Variants in NKAIN2 observed in about 807,000 individuals in gnomAD.
The protein encoded by NKAIN2 is sodium/potassium-transporting ATPase subunit beta-1-interacting protein 2.
Under a neutral mutation model 32.6 loss-of-function variants are expected in NKAIN2, and 14 were observed. The observed-to-expected ratio is 0.43, with a 90% CI of 0.28 to 0.67. NKAIN2 has a LOEUF of 0.67. Ranked by LOEUF, NKAIN2 falls within the 30% of genes least tolerant of loss-of-function variation. The probability of loss-of-function intolerance (pLI) is 0.17; values close to 1 mark genes in which losing one functional copy is unlikely to be tolerated. For synonymous variants in NKAIN2, 80 were observed against 87.2 expected, an observed-to-expected ratio of 0.92 and a Z score of 0.46; for missense variants, 198 against 258.3, an observed-to-expected ratio of 0.77 and a Z score of 1.60.
chr6:124,455,456 A>G (rs1215381104), intron 3 of NKAIN2, among the ~76,000 whole-genome samples: 4 of 152,042 alleles, frequency 2.6e-5, no homozygotes, highest in Non-Finnish European at 5.9e-5. Flanking sequence ...GAGAAAATGA[A>G]TAAGTGGAAA....
rs185291731 is a variant in NKAIN2 at position 124,271,511 on chromosome 6, C to T, written c.55-11494C>T. On this transcript the variant is annotated intron_variant, in intron 1 of 6. Coordinates refer to ENST00000368417, the MANE Select transcript of NKAIN2 (RefSeq NM_001040214.3). ...GATTACAGGCGTGAGCCACCATACC[C>T]GGCCTAAACCTCCTTTCTTTACAAA... Among the ~76,000 whole-genome samples, 527 of 152,310 alleles carry T rather than the reference C, an allele frequency of 3.5e-3. 7 individuals carry two copies. The highest frequency in any genetic ancestry group is 2.0e-3 in the Admixed American group (31 of 15,300).
intron 1 of NKAIN2, among the ~76,000 whole-genome samples, chr6:124,210,561 G>A (rs1049933809): frequency 6.6e-6 from 1 of 151,744 alleles, no homozygotes. Context: ...ACCCATGAAC[G>A]TGGAACATCT....
At chr6:124,233,838 G>T (rs1792593424) in intron 1 of NKAIN2, among the ~76,000 whole-genome samples, 1 of 152,172 alleles carries the variant, frequency 6.6e-6, no homozygotes, top group South Asian at 2.1e-4. Flanking sequence ...GCTAGGTTAT[G>T]TGTGATCACT....
intron 3 of NKAIN2, among the ~76,000 whole-genome samples, chr6:124,585,396 G>C (rs1176036766): frequency 1.3e-5 from 2 of 152,148 alleles, no homozygotes; most frequent in Non-Finnish European, 2.9e-5. Flanking sequence ...TCTAGTGTTT[G>C]ACAGCACAAC....
intron 1 of NKAIN2, among the ~76,000 whole-genome samples, chr6:123,986,489 G>A (rs1243375572): frequency 2.0e-5 from 3 of 152,068 alleles, no homozygotes; most frequent in African/African-American, 7.2e-5. Context: ...TTTCTTTCCT[G>A]TTTATTACAG....
intron 1 of NKAIN2, among the ~76,000 whole-genome samples, chr6:124,070,989 G>C (rs1783436178): frequency 6.6e-6 from 1 of 152,150 alleles, no homozygotes; most frequent in Non-Finnish European, 1.5e-5. Context: ...CATGGTTAGG[G>C]GCTGAGCACA....
chr6:124,012,719 A>G (rs1387698049), intron 1 of NKAIN2, among the ~76,000 whole-genome samples: 3 of 152,104 alleles, frequency 2.0e-5, no homozygotes, highest in African/African-American at 7.2e-5. Flanking sequence ...CATTTTGTCT[A>G]TCCTTTCACC....
intron 4 of NKAIN2, among the ~76,000 whole-genome samples, chr6:124,782,125 A>G (rs1204149841): frequency 6.6e-6 from 1 of 152,158 alleles, no homozygotes; most frequent in Non-Finnish European, 1.5e-5. Context: ...GTTCCTACTT[A>G]ACTGTATTTT....
chr6:124,161,281 T>C (rs1788263776), intron 1 of NKAIN2, among the ~76,000 whole-genome samples: 1 of 151,920 alleles, frequency 6.6e-6, no homozygotes, highest in African/African-American at 2.4e-5. Flanking sequence ...GGGGAGGTGC[T>C]ACACACTTTT....
chr6:123,901,941 A>T (rs1396919618), intron 1 of NKAIN2, among the ~76,000 whole-genome samples: 2 of 152,164 alleles, frequency 1.3e-5, no homozygotes, highest in African/African-American at 2.4e-5. Context: ...GCTGATACTT[A>T]TTTTTGTAAT....
chr6:124,815,356 T>G (rs1377805294), intron 5 of NKAIN2, among the ~76,000 whole-genome samples: 1 of 151,306 alleles, frequency 6.6e-6, no homozygotes, highest in African/African-American at 2.4e-5. Context: ...TCATTGAAAC[T>G]TCTGCCTCTG....
intron 3 of NKAIN2, among the ~76,000 whole-genome samples, chr6:124,474,248 A>C (rs953193946): frequency 8.5e-5 from 13 of 152,130 alleles, no homozygotes; most frequent in African/African-American, 3.1e-4. Flanking sequence ...ATCATCTTAA[A>C]GGGGCTTTTC....
At chr6:124,227,803 G>C (rs192004825) in intron 1 of NKAIN2, among the ~76,000 whole-genome samples, 1 of 152,160 alleles carries the variant, frequency 6.6e-6, no homozygotes, top group African/African-American at 2.4e-5. Flanking sequence ...CCTTCTGGAT[G>C]TGGAACACAC....
At chr6:124,806,597 C>T (rs1780575212) in intron 5 of NKAIN2, among the ~76,000 whole-genome samples, 1 of 151,638 alleles carries the variant, frequency 6.6e-6, no homozygotes, top group African/African-American at 2.4e-5. Flanking sequence ...GCAAGATAAC[C>T]AGCTAACATC....
At chr6:124,302,411 C>A (rs1184781008) in intron 2 of NKAIN2, among the ~76,000 whole-genome samples, 3 of 152,192 alleles carry the variant, frequency 2.0e-5, no homozygotes, top group African/African-American at 7.2e-5. Context: ...CACAGACTAT[C>A]CATTTTAAGT....
rs375067701 is a variant in NKAIN2 at position 124,405,756 on chromosome 6, C to CA, written c.273+50413dup. Reference sequence around the variant, plus strand: ...TCAGTGAAAGAGTGTGATATCCCCCCAAAATATTGTTTTAAATACAAATAA... The same window carrying CA: ...TCAGTGAAAGAGTGTGATATCCCCCCAAAAATATTGTTTTAAATACAAATAA... On this transcript the variant is annotated intron_variant, in intron 3 of 6. Coordinates refer to ENST00000368417, the MANE Select transcript of NKAIN2 (RefSeq NM_001040214.3). 1.9e-3 allele frequency among the ~76,000 whole-genome samples: 294 copies of CA among 151,988 alleles called. 2 individuals are homozygous for CA. Among genetic ancestry groups the CA allele is most frequent in the African/African-American group, 6.9e-3 (288 of 41,466 alleles).
At chr6:124,402,760 A>G (rs919721204) in intron 3 of NKAIN2, among the ~76,000 whole-genome samples, 4 of 152,166 alleles carry the variant, frequency 2.6e-5, no homozygotes, top group Admixed American at 2.0e-4. Context: ...TTGAGTACCT[A>G]TAGACACAAA....
intron 3 of NKAIN2, among the ~76,000 whole-genome samples, chr6:124,536,369 C>T (rs541689686): frequency 1.2e-4 from 19 of 152,218 alleles, no homozygotes; most frequent in African/African-American, 4.1e-4. Flanking sequence ...CTCCCCAGAA[C>T]CTCTATCTGG....
At chr6:124,043,808 ACT>A (rs1339772953) in intron 1 of NKAIN2, among the ~76,000 whole-genome samples, 2 of 152,056 alleles carry the variant, frequency 1.3e-5, no homozygotes, top group African/African-American at 4.8e-5. Flanking sequence ...GGCACTGAGG[ACT>A]AAGAAGGAAT....
Sources: gnomAD v4.1 joint callset for allele counts (sites outside exome capture counted in the v4.1 genomes callset) on GRCh38, gnomAD v4.1.1 for gene constraint, MANE v1.5 for transcripts, NCBI Gene and HGNC (gene_info 2026-07-23, HGNC 2026-07-21) for gene names.